DNAAF11: variants seen among roughly 807,000 people sequenced by gnomAD.
The protein encoded by DNAAF11 is leucine rich repeat containing 6.
A neutral mutation model predicts 60.8 loss-of-function variants in DNAAF11; 45 were observed. The ratio of observed to expected loss-of-function variants is 0.74; its 90% CI spans 0.58 to 0.95. The LOEUF is 0.95. Among genes scored for constraint, DNAAF11 ranks in the 40% least tolerant of loss-of-function variants. DNAAF11 has a pLI of 0.00. For missense variants in DNAAF11, 546 were observed against 546.2 expected (o/e 1.00, Z 0.00); for synonymous variants, 191 against 183.5 (o/e 1.04, Z -0.33).
chr8:132,591,553 C>T (rs1172000264), intron 10 of DNAAF11, among the ~76,000 whole-genome samples: 1 of 151,616 alleles, frequency 6.6e-6, no homozygotes, highest in African/African-American at 2.4e-5. Context: ...TAATTGTTTT[C>T]TGAAATACTT....
chr8:132,578,786 G>C (rs1245169069), intron 11 of DNAAF11, among the ~76,000 whole-genome samples: 1 of 152,224 alleles, frequency 6.6e-6, no homozygotes, highest in Non-Finnish European at 1.5e-5. Context: ...TGGGAACTCA[G>C]AAGGAGGAGC....
intron 10 of DNAAF11, among the ~76,000 whole-genome samples, chr8:132,598,066 A>G (rs934938032): frequency 3.3e-5 from 5 of 152,216 alleles, no homozygotes; most frequent in African/African-American, 1.2e-4. Flanking sequence ...AACATACCCT[A>G]TGATTTAAGG....
rs533085247 is a variant in DNAAF11 at position 132,658,276 on chromosome 8, G to C, written c.179-1369C>G. Among the ~76,000 whole-genome samples, 26 of 152,222 alleles carry C rather than the reference G, an allele frequency of 1.7e-4. 1 individual carries two copies. Among genetic ancestry groups the C allele is most frequent in the African/African-American group, 6.3e-4 (26 of 41,554 alleles). The stretch of plus-strand genomic sequence containing the variant: ...CTAAGTAATCCTAATGTTTGAAAAA[G>C]CTCTTTAGAAACATCTGAGCATTCA... On this transcript the variant is annotated intron_variant, in intron 2 of 11. Transcript: ENST00000620350.
At chr8:132,620,742 AT>A (rs1392420805) in intron 7 of DNAAF11, among the ~76,000 whole-genome samples, 2 of 152,244 alleles carry the variant, frequency 1.3e-5, no homozygotes, top group Non-Finnish European at 2.9e-5. Context: ...TATGGTCTTC[AT>A]GGGGGCACGT....
At chr8:132,662,702 G>A (rs1185156410) in intron 1 of DNAAF11, among the ~76,000 whole-genome samples, 3 of 152,118 alleles carry the variant, frequency 2.0e-5, no homozygotes, top group Non-Finnish European at 2.9e-5. Flanking sequence ...CTAGAGCCAG[G>A]TTTTAAATTC....
intron 1 of DNAAF11, among the ~76,000 whole-genome samples, chr8:132,674,671 C>T (rs1051816419): frequency 8.5e-5 from 13 of 152,158 alleles, no homozygotes; most frequent in African/African-American, 3.1e-4. Flanking sequence ...GGCGGATCAC[C>T]TGAGGTCAGG....
At chr8:132,702,429 T>G in the DNAAF11 span, among the ~76,000 whole-genome samples, 1 of 152,178 alleles carries the variant, frequency 6.6e-6, no homozygotes, top group South Asian at 2.1e-4. Context: ...TTGGAAGAAG[T>G]ATTTATTCAG....
chr8:132,631,014 A>G (rs1158353511), intron 5 of DNAAF11, among the ~76,000 whole-genome samples: 1 of 152,252 alleles, frequency 6.6e-6, no homozygotes, highest in Non-Finnish European at 1.5e-5. Context: ...TAGCAATGCC[A>G]TTGCTAAATA....
the DNAAF11 span, among the ~76,000 whole-genome samples, chr8:132,699,326 G>A: frequency 6.6e-6 from 1 of 152,052 alleles, no homozygotes; most frequent in African/African-American, 2.4e-5. Flanking sequence ...TCCTACAAGT[G>A]CCAAAGCCTT....
At chr8:132,669,099 G>C (rs1824920743) in intron 1 of DNAAF11, among the ~76,000 whole-genome samples, 1 of 152,106 alleles carries the variant, frequency 6.6e-6, no homozygotes, top group Non-Finnish European at 1.5e-5. Context: ...TAAGGCCTTT[G>C]TTAGACATAT....
At chr8:132,575,432 AC>A (rs1367357351) in intron 11 of DNAAF11, among the ~76,000 whole-genome samples, 15 of 152,332 alleles carry the variant, frequency 9.8e-5, no homozygotes, top group Non-Finnish European at 1.8e-4. Flanking sequence ...TTTTCAGCAC[AC>A]ATCTTTTAGG....
At chr8:132,659,660 C>A (rs1369578004) in intron 2 of DNAAF11, among the ~76,000 whole-genome samples, 1 of 152,122 alleles carries the variant, frequency 6.6e-6, no homozygotes, top group Non-Finnish European at 1.5e-5. Context: ...ATAATTAACT[C>A]AAAAAATACA....
intron 7 of DNAAF11, among the ~76,000 whole-genome samples, chr8:132,620,608 T>C (rs771099139): frequency 1.3e-5 from 2 of 152,180 alleles, no homozygotes; most frequent in Non-Finnish European, 2.9e-5. Context: ...GTGCTGGGAT[T>C]ATAGGCGTGA....
upstream of DNAAF11, among the ~76,000 whole-genome samples, chr8:132,679,546 G>T (rs1001352286): frequency 1.3e-5 from 2 of 152,194 alleles, no homozygotes; most frequent in Admixed American, 6.5e-5. Flanking sequence ...CAGGGGCAAG[G>T]TCTTGACAGA....
Position 132,667,785 on chromosome 8 carries a change from T to C in DNAAF11, c.11-6158A>G, listed in dbSNP as rs148868579. 2.1e-3 allele frequency among the ~76,000 whole-genome samples: 325 copies of C among 152,252 alleles called. 1 individual carries two copies. Among genetic ancestry groups the C allele is most frequent in the African/African-American group, 7.2e-3 (300 of 41,544 alleles). On this transcript the variant is annotated intron_variant, in intron 1 of 11. Transcript: ENST00000620350. ...TTTCCAATTCCTTAATATGAATGAG[T>C]TCTCCAAAATTTGAGGCTGTATCAG...
intron 1 of DNAAF11, among the ~76,000 whole-genome samples, chr8:132,674,187 G>GGAGA (rs1825529372): frequency 1.4e-5 from 2 of 143,980 alleles, no homozygotes; most frequent in Non-Finnish European, 1.5e-5. Flanking sequence ...GGAGAAGGAG[G>GGAGA]AGGAGGAGAA....
At chr8:132,607,495 CAT>C (rs1818245709) in intron 10 of DNAAF11, among the ~76,000 whole-genome samples, 1 of 152,118 alleles carries the variant, frequency 6.6e-6, no homozygotes, top group South Asian at 2.1e-4. Flanking sequence ...CCATGACCCA[CAT>C]GACAGGGAAA....
chr8:132,620,395 C>T (rs537863599), intron 7 of DNAAF11, among the ~76,000 whole-genome samples: 11 of 152,246 alleles, frequency 7.2e-5, no homozygotes, highest in Admixed American at 4.6e-4. Flanking sequence ...AGTGCAGTGG[C>T]GTGATCTCGG....
chr8:132,646,457 T>A (rs567177266), intron 3 of DNAAF11, among the ~76,000 whole-genome samples: 1 of 152,290 alleles, frequency 6.6e-6, no homozygotes, highest in African/African-American at 2.4e-5. Context: ...GCTAACATCA[T>A]AATGACAGGA....
Sources: gnomAD v4.1 joint callset for allele counts (sites outside exome capture counted in the v4.1 genomes callset) on GRCh38, gnomAD v4.1.1 for gene constraint, MANE v1.5 for transcripts, NCBI Gene and HGNC (gene_info 2026-07-23, HGNC 2026-07-21) for gene names.